The following DCAF6 variants were observed in gnomAD, a reference collection of about 807,000 sequenced individuals.
DCAF6 encodes the protein DDB1- and CUL4-associated factor 6.
Under a neutral mutation model 125.1 loss-of-function variants are expected in DCAF6, and 54 were observed. The observed-to-expected ratio is 0.43, with a 90% CI of 0.35 to 0.54. DCAF6 has a LOEUF of 0.54. DCAF6 is among the 20% of genes least tolerant of loss of function. The probability of loss-of-function intolerance (pLI) is 0.01; values close to 1 mark genes in which losing one functional copy is unlikely to be tolerated. For missense variants in DCAF6, 934 were observed against 1,161.7 expected (o/e 0.80, Z 2.85); for synonymous variants, 371 against 390.4 (o/e 0.95, Z 0.58).
At chr1:168,072,194 G>A (rs534528325) in intron 21 of DCAF6, among the ~76,000 whole-genome samples, 2 of 150,650 alleles carry the variant, frequency 1.3e-5, no homozygotes, top group East Asian at 3.9e-4. Flanking sequence ...CTACTTGGGA[G>A]GCTGAGGCAG....
At chr1:168,059,074 C>T (rs972718737) in intron 17 of DCAF6, among the ~76,000 whole-genome samples, 1 of 151,734 alleles carries the variant, frequency 6.6e-6, no homozygotes, top group Non-Finnish European at 1.5e-5. Flanking sequence ...TTTTATCAAT[C>T]TTTTATGCTT....
chr1:167,871,194 T>G, the DCAF6 span, among the ~76,000 whole-genome samples: 1 of 152,186 alleles, frequency 6.6e-6, no homozygotes, highest in African/African-American at 2.4e-5. Context: ...TAAAATATTT[T>G]TATTTCTGAT....
intron 2 of DCAF6, among the ~76,000 whole-genome samples, chr1:167,952,197 G>C (rs919920802): frequency 6.6e-6 from 1 of 150,984 alleles, no homozygotes; most frequent in Non-Finnish European, 1.5e-5. Context: ...ACTTTTTTTT[G>C]TTTGTTTTTG....
chr1:168,017,933 C>T (rs79176981), intron 11 of DCAF6, among the ~76,000 whole-genome samples: 26 of 152,136 alleles, frequency 1.7e-4, no homozygotes, highest in African/African-American at 6.0e-4. Context: ...TGTCTTCTCA[C>T]CTATTTAAGT....
At chr1:168,001,990 C>T (rs958232568) in intron 7 of DCAF6, among the ~76,000 whole-genome samples, 2 of 152,048 alleles carry the variant, frequency 1.3e-5, no homozygotes, top group African/African-American at 4.8e-5. Context: ...TGAGGCAAGT[C>T]ATAAAGGGTC....
intron 2 of DCAF6, among the ~76,000 whole-genome samples, chr1:167,956,171 T>C (rs1246261605): frequency 6.6e-6 from 1 of 152,188 alleles, no homozygotes; most frequent in African/African-American, 2.4e-5. Flanking sequence ...CTAAGAGCTA[T>C]CATGAATCAT....
chr1:167,919,698 G>A, the DCAF6 span, among the ~76,000 whole-genome samples: 1 of 152,096 alleles, frequency 6.6e-6, no homozygotes, highest in African/African-American at 2.4e-5. Context: ...TCTAAATGAT[G>A]CACAGTTAAA....
chr1:167,936,949 A>T lies in DCAF6; in HGVS notation c.38A>T (p.Asp13Val). 1 of 1,609,354 alleles carries T rather than the reference A, an allele frequency of 6.2e-7. No homozygotes were observed. The highest frequency in any genetic ancestry group is 2.2e-5 in the East Asian group (1 of 44,710). The part of the protein sequence containing the change: ...RGGSYPHLLW[D>V]VRKRSLGLED... ...GGCTCCTACCCACACCTGTTGTGGG[A>T]CGTGAGGAAAAGGTCCCTCGGGCTG... Residue 13 changes from aspartate (D) to valine (V), a missense_variant, in exon 1 of 22, where the codon GAC (aspartate) becomes GTC (valine). Coordinates refer to ENST00000367840, the MANE Select transcript of DCAF6 (RefSeq NM_001198956.2).
At chr1:167,995,878 T>TTGGACTTGGTGTATAGTCCAAA (rs1203812646) in intron 7 of DCAF6, among the ~76,000 whole-genome samples, 1 of 152,132 alleles carries the variant, frequency 6.6e-6, no homozygotes, top group East Asian at 1.9e-4. Flanking sequence ...CTACTTAACT[T>TTGGACTTGGTGTATAGTCCAAA]TGGAAAATGA....
chr1:167,902,247 G>A, the DCAF6 span, among the ~76,000 whole-genome samples: 29 of 152,294 alleles, frequency 1.9e-4, no homozygotes, highest in South Asian at 1.9e-3. Context: ...GAATGAGTAC[G>A]TGGAACCAGT....
At chr1:167,945,644 A>T (rs995899941) in intron 1 of DCAF6, among the ~76,000 whole-genome samples, 1 of 152,074 alleles carries the variant, frequency 6.6e-6, no homozygotes, top group Non-Finnish European at 1.5e-5. Context: ...AGTGCGCACC[A>T]CTATGCCCAG....
the DCAF6 span, among the ~76,000 whole-genome samples, chr1:167,889,828 G>T: frequency 6.6e-6 from 1 of 152,146 alleles, no homozygotes; most frequent in Non-Finnish European, 1.5e-5. Context: ...GCATATAATT[G>T]CTCATAGTAG....
At chr1:167,924,349 G>A in the DCAF6 span, 1 of 567,154 alleles carries the variant, frequency 1.8e-6, no homozygotes, top group East Asian at 3.3e-5. Flanking sequence ...TGTAGAAAAC[G>A]ATATGTCTGA....
intron 17 of DCAF6, among the ~76,000 whole-genome samples, chr1:168,052,790 TCTA>T (rs573122868): frequency 3.3e-5 from 5 of 152,214 alleles, no homozygotes; most frequent in Non-Finnish European, 7.3e-5. Context: ...TATTCTTCAT[TCTA>T]CTTTTATTAC....
rs114529053 is a variant in DCAF6, at chr1:167,997,434, C to T, written c.903+3994C>T. Among the ~76,000 whole-genome samples, 758 of 152,268 alleles carry T rather than the reference C, an allele frequency of 5.0e-3. 5 individuals are homozygous for T. Among genetic ancestry groups the T allele is most frequent in the African/African-American group, 0.017 (714 of 41,544 alleles). Reference sequence around the variant, plus strand: ...CTGGTTATTCCCTGTCACACACTTACGTCTTCCTGTGTAGATTTTACTATT... The same window carrying T: ...CTGGTTATTCCCTGTCACACACTTATGTCTTCCTGTGTAGATTTTACTATT... On this transcript the variant is annotated intron_variant, in intron 7 of 21. Transcript: ENST00000367840.
chr1:167,874,331 A>AAAAC, the DCAF6 span, among the ~76,000 whole-genome samples: 1 of 152,110 alleles, frequency 6.6e-6, no homozygotes, highest in East Asian at 1.9e-4. Context: ...ACTCTGTCTC[A>AAAAC]AAATAAATAA....
Position 167,987,515 on chromosome 1 carries a change from C to T in DCAF6, c.459C>T (p.Asp153=). ...TTCAGATTATGACTGTACCCAATGACCCTTACACTTTTCTCTCTTGTGGTG... is the reference window on the plus strand; with the variant it reads ...TTCAGATTATGACTGTACCCAATGATCCTTACACTTTTCTCTCTTGTGGTG... ...TTYEIMTVPN[D]PYTFLSCGED... The change falls in exon 5 of 22, where the codon GAC becomes GAT. Residue 153 remains aspartate, a synonymous_variant. Coordinates refer to ENST00000367840, the MANE Select transcript of DCAF6 (RefSeq NM_001198956.2). 6.3e-7 allele frequency: 1 copy of T among 1,591,510 alleles called. No homozygotes were observed. The highest frequency in any genetic ancestry group is 8.6e-7 in the Non-Finnish European group (1 of 1,161,862).
rs544737701 is a variant in DCAF6 at position 167,954,916 on chromosome 1, T to C, written c.159+3055T>C. ...AAAAGTTTGCCCATGTGCCCTCTCA[T>C]TCCTTACACATCACCCTCAACCCCA... On this transcript the variant is annotated intron_variant, in intron 2 of 21. Coordinates refer to ENST00000367840, the MANE Select transcript of DCAF6 (RefSeq NM_001198956.2). 3.3e-5 allele frequency among the ~76,000 whole-genome samples: 5 copies of C among 152,322 alleles called. No homozygotes were observed. In the East Asian group the frequency reaches 9.6e-4, roughly 29 times the overall value.
chr1:167,949,325 T>C (rs1371556101), intron 1 of DCAF6, among the ~76,000 whole-genome samples: 5 of 152,230 alleles, frequency 3.3e-5, no homozygotes, highest in African/African-American at 4.8e-5. Context: ...TTCTGGACTA[T>C]CTTCTCAGTG....
Sources: gnomAD v4.1 joint callset for allele counts (sites outside exome capture counted in the v4.1 genomes callset) on GRCh38, gnomAD v4.1.1 for gene constraint, MANE v1.5 for transcripts, NCBI Gene and HGNC (gene_info 2026-07-23, HGNC 2026-07-21) for gene names.